Variants in OTUD5 observed in about 807,000 individuals in gnomAD.
The protein encoded by OTUD5 is OTU deubiquitinase 5.
A neutral mutation model predicts 36.3 loss-of-function variants in OTUD5; 2 were observed. The ratio of observed to expected loss-of-function variants is 0.06; its 90% CI spans 0.02 to 0.17. The LOEUF (loss-of-function observed/expected upper bound fraction) is 0.17. Among genes scored for constraint, OTUD5 ranks in the 10% least tolerant of loss-of-function variants. The probability of loss-of-function intolerance (pLI) is 1.00; values close to 1 mark genes in which losing one functional copy is unlikely to be tolerated. For missense variants in OTUD5, 233 were observed against 512.3 expected (o/e 0.45, Z 5.26); for synonymous variants, 234 against 214.9 (o/e 1.09, Z -0.78).
intron 2 of OTUD5, among the ~76,000 whole-genome samples, chrX:48,941,490 A>C (rs2063922772): frequency 2.9e-5 from 3 of 102,748 alleles, no homozygotes; most frequent in Admixed American, 2.1e-4. Context: ...TCCTTTGGAC[A>C]CCTCTGGGTT....
intron 8 of OTUD5, among the ~76,000 whole-genome samples, 159 bp downstream of exon 8, chrX:48,923,474 G>A (rs782245274): frequency 2.7e-5 from 3 of 111,002 alleles, no homozygotes; most frequent in East Asian, 5.7e-4. Flanking sequence ...CCCTTCTGGG[G>A]CAAATTCCTT....
intron 5 of OTUD5, among the ~76,000 whole-genome samples, chrX:48,933,112 T>C (rs1334738557): frequency 3.6e-5 from 4 of 112,170 alleles, no homozygotes; most frequent in African/African-American, 1.3e-4. Context: ...TTTCCAATTA[T>C]ATGACATTCT....
chrX:48,945,913 A>G (rs782141249), intron 1 of OTUD5, among the ~76,000 whole-genome samples: 107 of 111,278 alleles, frequency 9.6e-4, no homozygotes, highest in Middle Eastern at 4.6e-3. Context: ...ACCAACCAGA[A>G]GCAGCAGACC....
At chrX:48,942,299 TACACACACACACAC>T (rs61325018) in intron 2 of OTUD5, among the ~76,000 whole-genome samples, 231 of 55,010 alleles carry the variant, frequency 4.2e-3, no homozygotes, top group Non-Finnish European at 5.8e-3. Flanking sequence ...GCTAGCTAGA[TACACACACACACAC>T]ACACACACAC....
At chrX:48,954,697 G>A (rs1557054727) in intron 1 of OTUD5, among the ~76,000 whole-genome samples, 4 of 111,498 alleles carry the variant, frequency 3.6e-5, no homozygotes, top group Non-Finnish European at 7.5e-5. Flanking sequence ...CCAGAGTGGC[G>A]ATGTCCCAAA....
chrX:48,942,299 TACAC>T (rs61325018), intron 2 of OTUD5, among the ~76,000 whole-genome samples: 931 of 54,918 alleles, frequency 0.017, 17 homozygotes, highest in African/African-American at 0.044. Context: ...GCTAGCTAGA[TACAC>T]ACACACACAC....
intron 1 of OTUD5, among the ~76,000 whole-genome samples, chrX:48,945,692 T>C (rs998923292): frequency 9.0e-6 from 1 of 111,215 alleles, no homozygotes; most frequent in African/African-American, 3.3e-5. Context: ...TGTTTGATTA[T>C]GAGGTGCTGC....
chrX:48,934,685 C>T, intron 4 of OTUD5, 26 bp downstream of exon 4: 1 of 1,204,686 alleles, frequency 8.3e-7, no homozygotes, highest in African/African-American at 1.7e-5. Flanking sequence ...CACCATCTTT[C>T]CCTCACCTAC....
intron 6 of OTUD5, among the ~76,000 whole-genome samples, 165 bp from the exon 7 acceptor site, chrX:48,924,217 G>A (rs1416388649): frequency 2.7e-5 from 3 of 111,554 alleles, no homozygotes; most frequent in African/African-American, 3.3e-5. Flanking sequence ...CTCCTCACAG[G>A]ACAGAGGTGG....
chrX:48,957,721 G>A, upstream of OTUD5: 1 of 785,162 alleles, frequency 1.3e-6, no homozygotes, highest in Non-Finnish European at 1.5e-6. Flanking sequence ...ACCCTCGGCG[G>A]CGGAGGAGGC....
At chrX:48,939,486 A>G (rs2063883534) in intron 2 of OTUD5, among the ~76,000 whole-genome samples, 1 of 111,931 alleles carries the variant, frequency 8.9e-6, no homozygotes, top group South Asian at 3.8e-4. Context: ...GTATACACAT[A>G]CAGCAGAGAC....
intron 5 of OTUD5, among the ~76,000 whole-genome samples, chrX:48,928,988 A>G (rs1423402153): frequency 9.0e-6 from 1 of 111,365 alleles, no homozygotes; most frequent in East Asian, 2.8e-4. Context: ...GGGTGGTCAA[A>G]CTATTCTGAA....
At chrX:48,935,145 G>A (rs2147589184) in intron 2 of OTUD5, 127 bp from the exon 3 acceptor site, 1 of 640,979 alleles carries the variant, frequency 1.6e-6, no homozygotes. Flanking sequence ...CCCAAGGCCT[G>A]GAGAGTTCTT....
intron 2 of OTUD5, chrX:48,940,581 T>C (rs145927117): frequency 9.8e-5 from 11 of 112,195 alleles, no homozygotes; most frequent in African/African-American, 3.6e-4. Flanking sequence ...CCATGGCCCA[T>C]GTAGAAACAA....
At chrX:48,956,927 T>TG (rs1557055493) in intron 1 of OTUD5, 50 bp downstream of exon 1, 1 of 1,084,106 alleles carries the variant, frequency 9.2e-7, no homozygotes, top group Non-Finnish European at 1.2e-6. Flanking sequence ...CTTCACAGTC[T>TG]GGGGGTCCCA....
In OTUD5 at chrX:48,923,078, G is replaced by T; in HGVS notation, c.*96C>A. On this transcript the variant is annotated 3_prime_UTR_variant, in exon 9 of 9. Transcript: ENST00000376488. ...AAAAGAGGGGAGAGCAGAAAGAACA[G>T]AAGGAGGCAAGAGGGAAGAAGCCAA... The T allele has an allele frequency of 8.4e-7, 1 of 1,194,839 alleles. No individual in the cohort carries two copies. The highest frequency in any genetic ancestry group is 1.1e-6 in the Non-Finnish European group (1 of 885,954).
intron 5 of OTUD5, among the ~76,000 whole-genome samples, chrX:48,931,778 TA>T (rs782091153): frequency 5.2e-3 from 421 of 81,186 alleles, no homozygotes; most frequent in Non-Finnish European, 4.9e-3. Flanking sequence ...AACTCTGCCT[TA>T]AAAAAAAAAA....
At chrX:48,953,085 G>T (rs1306056156) in intron 1 of OTUD5, among the ~76,000 whole-genome samples, 1 of 111,951 alleles carries the variant, frequency 8.9e-6, no homozygotes, top group Non-Finnish European at 1.9e-5. Flanking sequence ...AAGCTATAAA[G>T]CAGGTAAGGA....
chrX:48,923,497 T>C (rs2063614050), intron 8 of OTUD5, 136 bp downstream of exon 8: 2 of 565,406 alleles, frequency 3.5e-6, no homozygotes, highest in Non-Finnish European at 5.7e-6. Flanking sequence ...ATCTGAAAAA[T>C]CCCCTCCAGT....
Sources: allele counts gnomAD v4.1 joint callset (sites outside exome capture counted in the v4.1 genomes callset), GRCh38; gene constraint gnomAD v4.1.1; transcripts MANE v1.5; gene names NCBI Gene and HGNC (gene_info 2026-07-23, HGNC 2026-07-21).